Variants in MROH6 observed in about 807,000 individuals in gnomAD.
MROH6 encodes the protein maestro heat like repeat family member 6, also known as maestro heat-like repeat-containing protein family member 6.
A neutral mutation model predicts 67.7 loss-of-function variants in MROH6; 62 were observed. The ratio of observed to expected loss-of-function variants is 0.92; its 90% CI spans 0.75 to 1.13. MROH6 has a LOEUF of 1.13. MROH6 is among the 50% of genes most tolerant of loss of function. MROH6 has a pLI of 0.00. For missense variants in MROH6, 1,175 were observed against 1,029.1 expected, an observed-to-expected ratio of 1.14 and a Z score of -1.94; for synonymous variants, 566 against 470.8, an observed-to-expected ratio of 1.20 and a Z score of -2.62.
chr8:143,572,325 C>G (rs908233663), intron 1 of MROH6, 96 bp downstream of exon 1: 3 of 1,485,952 alleles, frequency 2.0e-6, no homozygotes. Context: ...TGACCTCCCC[C>G]GGGGCCAGCA....
chr8:143,569,992 C>CCG lies in MROH6; in HGVS notation c.1115_1116dup (p.Asp373ArgfsTer59). On this transcript the variant is annotated frameshift_variant, in exon 7 of 14. Coordinates refer to ENST00000398882, the MANE Select transcript of MROH6 (RefSeq NM_001100878.2). LOFTEE classifies it high-confidence loss of function. ...ATAGCCGTGAGACGCTGCGGGTCGT[C>CCG]CGCGCTGCGAAGCCGAGGGAGCAAG... 1 of 1,613,220 alleles carries CCG rather than the reference C, an allele frequency of 6.2e-7. No individual in the cohort carries two copies.
chr8:143,570,047 G>C lies in MROH6; in HGVS notation c.1062C>G (p.Ala354=). ...CGAAGAGGCCTCGCAGGTGGTGGTC[G>C]GCATGTGCCACCATAGCACTGGGGT... ...LLLASAMVAH[A]DHHLRGLFAD... The change falls in exon 7 of 14, where the codon GCC becomes GCG. Residue 354 remains alanine (A), a synonymous_variant. Transcript: ENST00000398882. The C allele has an allele frequency of 6.2e-7, 1 of 1,611,644 alleles. No homozygotes were observed. Among genetic ancestry groups the C allele is most frequent in the South Asian group, 1.1e-5 (1 of 91,082 alleles).
At chr8:143,571,941 G>T in intron 2 of MROH6, 92 bp downstream of exon 2, 1 of 1,498,898 alleles carries the variant, frequency 6.7e-7, no homozygotes, top group South Asian at 1.3e-5. Context: ...CCTGAAGATG[G>T]CAGGGTCAGG....
chr8:143,572,477 T>G lies in MROH6; in HGVS notation c.238A>C (p.Ser80Arg). 2 of 1,602,860 alleles carry G rather than the reference T, an allele frequency of 1.2e-6. No homozygotes were observed. Among genetic ancestry groups the G allele is most frequent in the Non-Finnish European group, 1.7e-6 (2 of 1,177,116 alleles). Reference protein sequence around the residue: ...GRGATVPEAGSEPCSLNSALE... With the variant: ...GRGATVPEAGREPCSLNSALE... ...GCACTGTTGAGGGAGCAGGGCTCGC[T>G]GCCAGCTTCAGGGACGGTGGCCCCA... The change falls in exon 1 of 14, where the codon AGC (serine) becomes CGC (arginine). Residue 80 changes from serine (S) to arginine (R), a missense_variant. Transcript: ENST00000398882.
rs1563917744 is a variant in MROH6 at position 143,569,815 on chromosome 8, CGTGCG to C, written c.1179_1183del (p.Arg395ProfsTer145). On this transcript the variant is annotated frameshift_variant, in exon 8 of 14. Transcript: ENST00000398882. LOFTEE classifies it high-confidence loss of function. ...CAGGATGACCTCCTCCCGCAGGAGC[CGTGCG>C]GTGGGCCGGCTCTGCAACAGCTAGG... The C allele has an allele frequency of 6.2e-7, 1 of 1,611,628 alleles. No individual in the cohort carries two copies. Among genetic ancestry groups the C allele is most frequent in the Admixed American group, 1.7e-5 (1 of 59,724 alleles).
Position 143,567,864 on chromosome 8 carries a change from G to T in MROH6, c.1789C>A (p.Pro597Thr). Residue 597 changes from proline to threonine, a missense_variant, in exon 12 of 14, where the codon CCC becomes ACC. Physicochemically the swap from Pro to Thr is conservative, Grantham distance 38. Transcript: ENST00000398882. ...RLVQRYPGHV[P>T]NFLSQTQGYL... ...CCCTGGGTCTGGCTCAGGAAGTTGGGCACGTGGCCTGGGTATCGCTGAACC... is the reference window on the plus strand; with the variant it reads ...CCCTGGGTCTGGCTCAGGAAGTTGGTCACGTGGCCTGGGTATCGCTGAACC... The T allele has an allele frequency of 6.5e-7, 1 of 1,528,432 alleles. No homozygotes were observed. Among genetic ancestry groups the T allele is most frequent in the South Asian group, 1.3e-5 (1 of 76,866 alleles). The allele number at this position is 1,528,432 out of a possible 1,614,324, so 94.7% of individuals were successfully genotyped here. A position where few individuals can be genotyped will look rare whatever the true frequency, so the allele number is the denominator to read the frequency against.
Position 143,570,325 on chromosome 8 carries a change from C to T in MROH6, c.961G>A (p.Val321Ile). Residue 321 changes from valine (V) to isoleucine (I), a missense_variant, in exon 6 of 14, where the codon GTC (valine) becomes ATC (isoleucine). Physicochemically the swap from Val to Ile is conservative, Grantham distance 29. Transcript: ENST00000398882. ...CCTCCTGCCTGCTCCATGCACGTGA[C>T]CACCATGCGGCCTCCATCCCCGGTG... ...LLTGDGGRMV[V>I]TCMEQAGGWR... 2 of 1,610,138 alleles carry T rather than the reference C, an allele frequency of 1.2e-6. No individual in the cohort carries two copies. Among genetic ancestry groups the T allele is most frequent in the Non-Finnish European group, 1.7e-6 (2 of 1,179,742 alleles).
Position 143,571,765 on chromosome 8 carries a change from C to A in MROH6, c.504G>T (p.Arg168Ser). 6.5e-7 allele frequency: 1 copy of A among 1,548,514 alleles called. No individual in the cohort carries two copies. The change falls in exon 3 of 14, where the codon AGG becomes AGT. Residue 168 changes from arginine (R) to serine (S), a missense_variant. Physicochemically the swap from Arg to Ser is moderately radical, Grantham distance 110. Coordinates refer to ENST00000398882, the MANE Select transcript of MROH6 (RefSeq NM_001100878.2). ...LAQVPSLAEG[R>S]PWRAALRVLS... ...GCACTCGCAGGGCCGCCCTCCAGGG[C>A]CTCCCCTCCGCTAGGCTGGGCACCT...
At chr8:143,571,415 G>T (rs1235535479) in intron 3 of MROH6, among the ~76,000 whole-genome samples, 1 of 152,210 alleles carries the variant, frequency 6.6e-6, no homozygotes, top group African/African-American at 2.4e-5. Context: ...TCCAGGGGAG[G>T]CCACCCGAAG....
Position 143,572,739 on chromosome 8 carries a change from C to T in MROH6, c.-25G>A, listed in dbSNP as rs1213408840. The T allele has an allele frequency of 1.0e-5, 15 of 1,450,412 alleles. No homozygotes were observed. Among genetic ancestry groups the T allele is most frequent in the Non-Finnish European group, 1.2e-5 (13 of 1,106,018 alleles). The allele number at this position is 1,450,412 out of a possible 1,614,324, so 89.8% of individuals were successfully genotyped here. A position where few individuals can be genotyped will look rare whatever the true frequency, so the allele number is the denominator to read the frequency against. ...TGGCGGCCCTTGCCTGCAGCACCTG[C>T]CGCTGCTCCTCCTGCGAAGTTGTGC... is the stretch of plus-strand genomic sequence containing the variant. On this transcript the variant is annotated 5_prime_UTR_variant, in exon 1 of 14. Coordinates refer to ENST00000398882, the MANE Select transcript of MROH6 (RefSeq NM_001100878.2).
intron 4 of MROH6, 41 bp from the exon 5 acceptor site, chr8:143,570,698 G>A (rs767897807): frequency 1.3e-6 from 2 of 1,557,242 alleles, no homozygotes; most frequent in Admixed American, 3.5e-5. Context: ...GGCACGCCTG[G>A]AGCTGCACTG....
At position 143,567,152 on chromosome 8, in the gene MROH6, G is replaced by A; in HGVS notation, c.*87C>T. 4.1e-6 allele frequency: 3 copies of A among 730,720 alleles called. No individual in the cohort carries two copies. The highest frequency in any genetic ancestry group is 3.7e-5 in the East Asian group (1 of 26,892). 45.3% of individuals were successfully genotyped at this position (730,720 alleles called of 1,614,324 possible). A position where few individuals can be genotyped will look rare whatever the true frequency, so the allele number is the denominator to read the frequency against. ...CATTGGCGTCCAGCACCAGGCCCAG[G>A]GAGCCCCTCCGTCAGGGCGGGGACA... On this transcript the variant is annotated 3_prime_UTR_variant, in exon 14 of 14. Transcript: ENST00000398882.
intron 9 of MROH6, 68 bp downstream of exon 9, chr8:143,569,373 G>A (rs1823854174): frequency 7.8e-7 from 1 of 1,277,644 alleles, no homozygotes; most frequent in Non-Finnish European, 1.0e-6. Flanking sequence ...GCCTGGGAGG[G>A]AGAGACTGGA....
rs1026212940 is a variant in MROH6 at position 143,570,946 on chromosome 8, A to G, written c.651T>C (p.Asn217=). 6.6e-7 allele frequency: 1 copy of G among 1,526,228 alleles called. No individual in the cohort carries two copies. Among genetic ancestry groups the G allele is most frequent in the Non-Finnish European group, 8.8e-7 (1 of 1,134,744 alleles). 94.5% of individuals were successfully genotyped at this position (1,526,228 alleles called of 1,614,324 possible). A position where few individuals can be genotyped will look rare whatever the true frequency, so the allele number is the denominator to read the frequency against. Residue 217 remains asparagine (N), a synonymous_variant, in exon 4 of 14, where the codon AAT becomes AAC. Transcript: ENST00000398882. ...WRSLSRNQRV[N]GQVLVQLLWA... ...ACAGCAGTTGCACCAGCACCTGCCC[A>G]TTTACACGCTGGTTACGGCTTAGGC...
rs999481778 is a variant in MROH6, at chr8:143,567,189, G to A, written c.*50C>T. 40 of 1,070,006 alleles carry A rather than the reference G, an allele frequency of 3.7e-5. No individual in the cohort carries two copies. Among genetic ancestry groups the A allele is most frequent in the Middle Eastern group, 3.5e-4 (1 of 2,864 alleles). The allele number at this position is 1,070,006 out of a possible 1,614,324, so 66.3% of individuals were successfully genotyped here. On this transcript the variant is annotated 3_prime_UTR_variant, in exon 14 of 14. Coordinates refer to ENST00000398882, the MANE Select transcript of MROH6 (RefSeq NM_001100878.2). Reference sequence around the variant, plus strand: ...TCAGGGCGGGGACAGGCTGCTATGCGCGTGGGGTGCCCGAGTCGGACCCTG... The same window carrying A: ...TCAGGGCGGGGACAGGCTGCTATGCACGTGGGGTGCCCGAGTCGGACCCTG...
At position 143,569,829 on chromosome 8, in the gene MROH6, G is replaced by A. The variant is rs1460020620; in HGVS notation, c.1170C>T (p.Ser390=). Residue 390 remains serine, a synonymous_variant, in exon 8 of 14, where the codon AGC becomes AGT. Transcript: ENST00000398882. ...CCCGCAGGAGCCGTGCGGTGGGCCG[G>A]CTCTGCAACAGCTAGGCGAGGCACA... The part of the protein sequence containing the change: ...AMAFFTGLLQ[S]RPTARLLREE... 2 of 1,610,942 alleles carry A rather than the reference G, an allele frequency of 1.2e-6. No homozygotes were observed. Among genetic ancestry groups the A allele is most frequent in the African/African-American group, 2.7e-5 (2 of 74,888 alleles).
rs969534307 is a variant in MROH6, at chr8:143,569,951, C to T, written c.1158G>A (p.Gly386=). 4.3e-6 allele frequency: 7 copies of T among 1,611,554 alleles called. No individual in the cohort carries two copies. The highest frequency in any genetic ancestry group is 5.9e-6 in the Non-Finnish European group (7 of 1,179,716). Reference sequence around the variant, plus strand: ...CCACCCATCCGGGAAGCAGGCTCACCCCTGTGAAGAAGGCCATAGCCGTGA... The same window carrying T: ...CCACCCATCCGGGAAGCAGGCTCACTCCTGTGAAGAAGGCCATAGCCGTGA... The part of the protein sequence containing the change: ...QRLTAMAFFT[G]LLQSRPTARL... The change falls in exon 7 of 14, where the codon GGG becomes GGA. Residue 386 remains glycine, a splice_region_variant and synonymous_variant. Coordinates refer to ENST00000398882, the MANE Select transcript of MROH6 (RefSeq NM_001100878.2).
At position 143,569,773 on chromosome 8, in the gene MROH6, C is replaced by T. The variant is rs554768566; in HGVS notation, c.1226G>A (p.Trp409Ter). The T allele has an allele frequency of 1.2e-6, 2 of 1,612,930 alleles. No individual in the cohort carries two copies. The highest frequency in any genetic ancestry group is 1.7e-5 in the Admixed American group (1 of 59,968). The change falls in exon 8 of 14, where the codon TGG becomes TAG. Residue 409 changes from tryptophan to a stop codon, truncating the protein, a stop_gained. Transcript: ENST00000398882. LOFTEE classifies it high-confidence loss of function. ...CACAGTGGGTTCGGGGTCTCCCTGCCAGGTGAGGAGTCGCTCCAGGATGAC... is the reference window on the plus strand; with the variant it reads ...CACAGTGGGTTCGGGGTCTCCCTGCTAGGTGAGGAGTCGCTCCAGGATGAC... ...EEVILERLLT[W>*]QGDPEPTVRW... is the part of the protein sequence containing the mutation.
chr8:143,569,599 T>G lies in MROH6; in HGVS notation c.1318A>C (p.Thr440Pro), dbSNP rs754436298. The change falls in exon 9 of 14, where the codon ACG becomes CCG. Residue 440 changes from threonine (T) to proline (P), a missense_variant. Transcript: ENST00000398882. The part of the protein sequence containing the change: ...LNRRKVRHVS[T>P]LLPALLGALG... Reference sequence around the variant, plus strand: ...GCGCCCAGGAGCGCCGGCAGCAGCGTGCTCACGTGCCGCACCTGCTGGGAC... The same window carrying G: ...GCGCCCAGGAGCGCCGGCAGCAGCGGGCTCACGTGCCGCACCTGCTGGGAC... The G allele has an allele frequency of 1.3e-6, 2 of 1,576,600 alleles. No homozygotes were observed. The highest frequency in any genetic ancestry group is 1.7e-6 in the Non-Finnish European group (2 of 1,163,518).
Sources: gnomAD v4.1 joint callset for allele counts (sites outside exome capture counted in the v4.1 genomes callset) on GRCh38, gnomAD v4.1.1 for gene constraint, MANE v1.5 for transcripts, NCBI Gene and HGNC (gene_info 2026-07-23, HGNC 2026-07-21) for gene names.